Variants in MCM7 observed in about 807,000 individuals in gnomAD.
MCM7 encodes DNA replication licensing factor MCM7.
In MCM7, 95 loss-of-function variants were observed where a neutral mutation model predicts 83.5. That is an observed-to-expected ratio of 1.14 (90% CI 0.96 to 1.35). MCM7 has a LOEUF of 1.35. MCM7 is among the 40% of genes most tolerant of loss of function. MCM7 has a pLI of 0.00. For synonymous variants in MCM7, 461 were observed against 352.7 expected (o/e 1.31, Z -3.44); for missense variants, 1,087 against 957.4 (o/e 1.14, Z -1.79).
chr7:100,100,515 G>A (rs1351305991), intron 1 of MCM7: 3 of 993,316 alleles, frequency 3.0e-6, no homozygotes, highest in Non-Finnish European at 3.6e-6. Context: ...TCCCGCCATC[G>A]CTTCCGCTCT....
intron 13 of MCM7, 93 bp from the exon 14 acceptor site, chr7:100,093,494 G>A: frequency 1.7e-6 from 2 of 1,165,472 alleles, no homozygotes; most frequent in Non-Finnish European, 2.6e-6. Context: ...AGGCTGGGCA[G>A]CCCATGGGTC....
At chr7:100,094,142 C>T in intron 13 of MCM7, 31 bp downstream of exon 13, 1 of 1,613,892 alleles carries the variant, frequency 6.2e-7, no homozygotes, top group Non-Finnish European at 8.5e-7. Context: ...AGGGTCAAAA[C>T]AGATGGCCCT....
At chr7:100,100,775 GCCACTTCCGCCCGGCT>G (rs915057853) in intron 1 of MCM7, 6 of 991,902 alleles carry the variant, frequency 6.0e-6, no homozygotes, top group Non-Finnish European at 6.0e-6. Context: ...GCCTCCTCGC[GCCACTTCCGCCCGGCT>G]CCACTTCCGC....
intron 14 of MCM7, 60 bp downstream of exon 14, chr7:100,093,232 T>C: frequency 1.3e-6 from 2 of 1,593,710 alleles, no homozygotes; most frequent in Non-Finnish European, 1.7e-6. Flanking sequence ...GAGGCCAACC[T>C]CAGACACATG....
chr7:100,099,767 G>A lies in MCM7; in HGVS notation c.112-14C>T, dbSNP rs763009387. The A allele has an allele frequency of 1.2e-6, 2 of 1,613,308 alleles. No homozygotes were observed. Among genetic ancestry groups the A allele is most frequent in the South Asian group, 1.1e-5 (1 of 91,054 alleles). On this transcript the variant is annotated splice_polypyrimidine_tract_variant and intron_variant, in intron 2 of 14. Transcript: ENST00000303887. ...AGCCAGCCGAACCTCAAGTGGGGAA[G>A]AGACAGAAACACCTCAGAGCCACAT...
chr7:100,098,511 A>G (rs2116581034), intron 6 of MCM7, 67 bp downstream of exon 6: 3 of 1,597,586 alleles, frequency 1.9e-6, no homozygotes, highest in South Asian at 2.2e-5. Flanking sequence ...CTGCCATTCC[A>G]CAAGTGACTA....
intron 13 of MCM7, chr7:100,093,768 C>T (rs1299005393): frequency 1.6e-6 from 1 of 613,730 alleles, no homozygotes; most frequent in African/African-American, 1.8e-5. Context: ...AGAACGTGTC[C>T]CGGGGGCTCG....
chr7:100,097,050 G>C (rs528911436), intron 10 of MCM7, among the ~76,000 whole-genome samples: 5 of 152,294 alleles, frequency 3.3e-5, no homozygotes, highest in Admixed American at 2.6e-4. Flanking sequence ...GCAGTGAACC[G>C]AGATAGCGCC....
At chr7:100,099,826 G>A in intron 2 of MCM7, 73 bp from the exon 3 acceptor site, 1 of 1,576,192 alleles carries the variant, frequency 6.3e-7, no homozygotes, top group Non-Finnish European at 8.7e-7. Flanking sequence ...ATGTGAAAAT[G>A]CATCACTGAG....
rs1475839340 is a variant in MCM7, at chr7:100,096,283, A to G, written c.1202-116T>C. On this transcript the variant is annotated intron_variant, in intron 10 of 14. Coordinates refer to ENST00000303887, the MANE Select transcript of MCM7 (RefSeq NM_005916.5). Reference sequence around the variant, plus strand: ...GCGCTGGGATCATTCCACTCCCTCCACCAGGCCTTCTTGAGATGCCCGAGG... The same window carrying G: ...GCGCTGGGATCATTCCACTCCCTCCGCCAGGCCTTCTTGAGATGCCCGAGG... 4 of 1,029,536 alleles carry G rather than the reference A, an allele frequency of 3.9e-6. No homozygotes were observed. In the African/African-American group the frequency reaches 4.8e-5, roughly 12 times the overall value. The allele number at this position is 1,029,536 out of a possible 1,614,324, so 63.8% of individuals were successfully genotyped here. A position where few individuals can be genotyped will look rare whatever the true frequency, so the allele number is the denominator to read the frequency against.
chr7:100,092,847 C>A lies in MCM7; in HGVS notation c.*85G>T, dbSNP rs1795384708. ...AGCATGGGAGAAAGAGGGGCTCCTCCTTCCCCTCAAAGGCATCACTGCCCC... is the reference window on the plus strand; with the variant it reads ...AGCATGGGAGAAAGAGGGGCTCCTCATTCCCCTCAAAGGCATCACTGCCCC... On this transcript the variant is annotated 3_prime_UTR_variant, in exon 15 of 15. Transcript: ENST00000303887. 28 of 1,392,044 alleles carry A rather than the reference C, an allele frequency of 2.0e-5. No individual in the cohort carries two copies. The South Asian group carries it at 3.3e-4, about 16-fold the overall frequency. 86.2% of individuals were successfully genotyped at this position (1,392,044 alleles called of 1,614,324 possible). A position where few individuals can be genotyped will look rare whatever the true frequency, so the allele number is the denominator to read the frequency against.
intron 13 of MCM7, chr7:100,093,650 G>C (rs775348902): frequency 1.4e-6 from 1 of 738,234 alleles, no homozygotes; most frequent in Non-Finnish European, 2.6e-6. Flanking sequence ...GGCCAGTCCC[G>C]GAGTTCAGCT....
intron 13 of MCM7, chr7:100,093,801 G>T: frequency 3.2e-6 from 2 of 620,650 alleles, no homozygotes; most frequent in South Asian, 2.8e-5. Context: ...TCAGCAGTAG[G>T]TTGGGTAATC....
At chr7:100,097,187 C>A (rs561481787) in intron 10 of MCM7, 114 bp downstream of exon 10, 3 of 852,344 alleles carry the variant, frequency 3.5e-6, no homozygotes, top group Non-Finnish European at 3.8e-6. Context: ...CCTGCCTCAG[C>A]CTCTCAGAGC....
Position 100,096,176 on chromosome 7 carries a change from GAAGA to G in MCM7, c.1202-13_1202-10del. The G allele has an allele frequency of 6.4e-7, 1 of 1,552,870 alleles. No individual in the cohort carries two copies. Among genetic ancestry groups the G allele is most frequent in the South Asian group, 1.2e-5 (1 of 82,636 alleles). ...GCCTGTTGTGTACTGGCCTGGAAGA[GAAGA>G]AATAAGGAACCATGAGAGAGAAAGA... On this transcript the variant is annotated splice_polypyrimidine_tract_variant and intron_variant, in intron 10 of 14. Coordinates refer to ENST00000303887, the MANE Select transcript of MCM7 (RefSeq NM_005916.5).
intron 1 of MCM7, chr7:100,100,521 GCT>G (rs1220141038): frequency 2.0e-6 from 2 of 994,372 alleles, no homozygotes; most frequent in African/African-American, 1.8e-5. Context: ...CATCGCTTCC[GCT>G]CTTAGTAAAC....
At position 100,095,374 on chromosome 7, in the gene MCM7, C is replaced by A; in HGVS notation, c.1679+13G>T. ...CACGCCAACGTTTGCCCACCCGCAC[C>A]CAGCTCTCCTACCTCATGAGCTTCA... On this transcript the variant is annotated intron_variant, in intron 12 of 14. Coordinates refer to ENST00000303887, the MANE Select transcript of MCM7 (RefSeq NM_005916.5). The A allele has an allele frequency of 6.2e-7, 1 of 1,610,030 alleles. No individual in the cohort carries two copies.
intron 7 of MCM7, 36 bp from the exon 8 acceptor site, chr7:100,097,984 C>A: frequency 6.3e-7 from 1 of 1,598,212 alleles, no homozygotes; most frequent in African/African-American, 1.3e-5. Flanking sequence ...AGATGTAATC[C>A]CTTCAACTTG....
chr7:100,094,565 A>AT (rs1320832913), intron 12 of MCM7, among the ~76,000 whole-genome samples: 6 of 151,992 alleles, frequency 3.9e-5, no homozygotes, highest in Non-Finnish European at 7.4e-5. Flanking sequence ...GTTATTTCCT[A>AT]TTTTTTTCGG....
Sources: allele counts gnomAD v4.1 joint callset (sites outside exome capture counted in the v4.1 genomes callset), GRCh38; gene constraint gnomAD v4.1.1; transcripts MANE v1.5; gene names NCBI Gene and HGNC (gene_info 2026-07-23, HGNC 2026-07-21).